WDR55: variants seen among roughly 807,000 people sequenced by gnomAD.
The protein encoded by WDR55 is WD repeat-containing protein 55.
WDR55 carries 31 observed loss-of-function variants against 34.0 expected under a neutral mutation model. That is an observed-to-expected ratio of 0.91 (90% CI 0.69 to 1.23). The LOEUF is 1.23. WDR55 is among the 50% of genes most tolerant of loss of function. The probability of loss-of-function intolerance (pLI) is 0.00; values close to 1 mark genes in which losing one functional copy is unlikely to be tolerated. For synonymous variants in WDR55, 164 were observed against 185.9 expected (o/e 0.88, Z 0.96); for missense variants, 440 against 494.6 (o/e 0.89, Z 1.05).
At chr5:140,666,704 T>C (rs1288266200) in intron 1 of WDR55, 2 of 985,210 alleles carry the variant, frequency 2.0e-6, no homozygotes, top group East Asian at 1.1e-4. Context: ...ACATTATATA[T>C]GATGCTCTGT....
chr5:140,665,033 G>C lies in WDR55; in HGVS notation c.121G>C (p.Ala41Pro). The C allele has an allele frequency of 6.2e-7, 1 of 1,613,918 alleles. No individual in the cohort carries two copies. The highest frequency in any genetic ancestry group is 1.6e-4 in the Middle Eastern group (1 of 6,062). Residue 41 changes from alanine (A) to proline (P), a missense_variant, in exon 1 of 7, where the codon GCT becomes CCT. Ala to Pro is a conservative substitution (Grantham distance 27). Coordinates refer to ENST00000358337, the MANE Select transcript of WDR55 (RefSeq NM_017706.5). ...TPEDIVLEAP[A>P]SGLAFHPARD... ...GGAAGACATCGTGCTGGAAGCTCCG[G>C]CTAGTGGGCTGGCGTTCCATCCGGC...
At position 140,668,984 on chromosome 5, in the gene WDR55, C is replaced by T. The variant is rs755740110; in HGVS notation, c.654C>T (p.Leu218=). 3 of 1,614,242 alleles carry T rather than the reference C, an allele frequency of 1.9e-6. No homozygotes were observed. Among genetic ancestry groups the T allele is most frequent in the Non-Finnish European group, 1.7e-6 (2 of 1,180,048 alleles). The change falls in exon 5 of 7, where the codon CTC becomes CTT. Residue 218 remains leucine, a synonymous_variant. Transcript: ENST00000358337. ...CTGGGGACCTGACCTCTGTCACTCTCATGAAAGTACAGCTGGTTATGGTGG... is the reference window on the plus strand; with the variant it reads ...CTGGGGACCTGACCTCTGTCACTCTTATGAAAGTACAGCTGGTTATGGTGG... ...PQSGDLTSVT[L]MKWGKKVACG...
chr5:140,669,717 T>C lies in WDR55; in HGVS notation c.*63T>C. 6.8e-7 allele frequency: 1 copy of C among 1,460,464 alleles called. No homozygotes were observed. The highest frequency in any genetic ancestry group is 1.3e-5 in the South Asian group (1 of 77,976). The allele number at this position is 1,460,464 out of a possible 1,614,324, so 90.5% of individuals were successfully genotyped here. A position where few individuals can be genotyped will look rare whatever the true frequency, so the allele number is the denominator to read the frequency against. On this transcript the variant is annotated 3_prime_UTR_variant, in exon 7 of 7. Coordinates refer to ENST00000358337, the MANE Select transcript of WDR55 (RefSeq NM_017706.5). Reference sequence around the variant, plus strand: ...CAAGAGTCTTGCTTATTGGGCTGCATCCCCAGAGAGGATATGAATTATTTT... The same window carrying C: ...CAAGAGTCTTGCTTATTGGGCTGCACCCCCAGAGAGGATATGAATTATTTT...
At position 140,671,053 on chromosome 5, in the gene WDR55, C is replaced by G. The variant is rs190826909; in HGVS notation, c.*1399C>G. 1.9e-4 allele frequency: 115 copies of G among 597,370 alleles called. No individual in the cohort carries two copies. The highest frequency in any genetic ancestry group is 1.5e-3 in the African/African-American group (81 of 53,920). The allele number at this position is 597,370 out of a possible 1,614,324, so 37.0% of individuals were successfully genotyped here. On this transcript the variant is annotated 3_prime_UTR_variant, in exon 7 of 7. Transcript: ENST00000358337. The stretch of plus-strand genomic sequence containing the variant: ...GACAAGGAACGGCCATGGAAGATCA[C>G]TGGGTCAGGTTGGACCCTGGGCTGG...
rs1448658266 is a variant in WDR55, at chr5:140,671,157, C to G, written c.*1503C>G. ...CAGGTGCCATAGGTCCCTGTCCCAG[C>G]AGGGAGGCTGATGGGCCTGGGCCCA... On this transcript the variant is annotated 3_prime_UTR_variant, in exon 7 of 7. Transcript: ENST00000358337. 3.5e-6 allele frequency: 4 copies of G among 1,136,600 alleles called. No homozygotes were observed. The East Asian group carries it at 7.4e-5, about 21-fold the overall frequency. The allele number at this position is 1,136,600 out of a possible 1,614,324, so 70.4% of individuals were successfully genotyped here. A position where few individuals can be genotyped will look rare whatever the true frequency, so the allele number is the denominator to read the frequency against.
chr5:140,671,218 AC>A lies in WDR55; in HGVS notation c.*1567del. 6.3e-7 allele frequency: 1 copy of A among 1,594,096 alleles called. No individual in the cohort carries two copies. The highest frequency in any genetic ancestry group is 1.3e-5 in the African/African-American group (1 of 74,646). The stretch of plus-strand genomic sequence containing the variant: ...CACCTTTGGGGGTCAGAAAGTGGCC[AC>A]CCAGGCCTGCTGGGATGGGGCCTGA... On this transcript the variant is annotated 3_prime_UTR_variant, in exon 7 of 7. Coordinates refer to ENST00000358337, the MANE Select transcript of WDR55 (RefSeq NM_017706.5).
Position 140,669,596 on chromosome 5 carries a change from AG to A in WDR55, c.1097del (p.Gly366GlufsTer23). 5 of 1,614,136 alleles carry A rather than the reference AG, an allele frequency of 3.1e-6. No individual in the cohort carries two copies. The highest frequency in any genetic ancestry group is 4.2e-6 in the Non-Finnish European group (5 of 1,179,986). On this transcript the variant is annotated frameshift_variant, in exon 7 of 7. Transcript: ENST00000358337. LOFTEE classifies it high-confidence loss of function. ...TDDFFAGLREEGEDSMAQEEK... is the reference protein window; with the variant it reads ...TDDFFAGLREXGEDSMAQEEK... ...GACTTCTTCGCAGGACTGAGGGAAG[AG>A]GGAGAAGACTCCATGGCTCAGGAAG...
At position 140,669,901 on chromosome 5, in the gene WDR55, G is replaced by GT. The variant is rs34069692; in HGVS notation, c.*259dup. On this transcript the variant is annotated 3_prime_UTR_variant, in exon 7 of 7. Transcript: ENST00000358337. ...GCACTACCACACCAGGCCAATTTTT[G>GT]TTTTTTTTTTTTGGTAGAAACGGGT... The GT allele has an allele frequency of 0.13, 39,271 of 306,938 alleles. 210 individuals carry two copies. The highest frequency in any genetic ancestry group is 0.16 in the East Asian group (2,613 of 16,354). The allele number at this position is 306,938 out of a possible 1,614,324, so 19.0% of individuals were successfully genotyped here. A position where few individuals can be genotyped will look rare whatever the true frequency, so the allele number is the denominator to read the frequency against.
Position 140,671,488 on chromosome 5 carries a change from C to T in WDR55, c.*1834C>T, listed in dbSNP as rs1416886356. On this transcript the variant is annotated 3_prime_UTR_variant, in exon 7 of 7. Coordinates refer to ENST00000358337, the MANE Select transcript of WDR55 (RefSeq NM_017706.5). Reference sequence around the variant, plus strand: ...GATGCCCAGGAATCACCACCTGGTACCAGAAGCGGTGCCAGCCAGCAGGTC... The same window carrying T: ...GATGCCCAGGAATCACCACCTGGTATCAGAAGCGGTGCCAGCCAGCAGGTC... 1 of 1,600,218 alleles carries T rather than the reference C, an allele frequency of 6.2e-7. No homozygotes were observed. Among genetic ancestry groups the T allele is most frequent in the African/African-American group, 1.3e-5 (1 of 74,448 alleles).
chr5:140,671,292 G>C lies in WDR55; in HGVS notation c.*1638G>C. On this transcript the variant is annotated 3_prime_UTR_variant, in exon 7 of 7. Transcript: ENST00000358337. ...AGGGTGCCTGTGGAGAAAGAATGGA[G>C]TCACTGTTTAACCATGGTACCTGCC... is the stretch of plus-strand genomic sequence containing the variant. 2 of 1,612,860 alleles carry C rather than the reference G, an allele frequency of 1.2e-6. No individual in the cohort carries two copies. The highest frequency in any genetic ancestry group is 1.7e-6 in the Non-Finnish European group (2 of 1,180,002).
rs1758038142 is a variant in WDR55, at chr5:140,670,172, C to A, written c.*518C>A. On this transcript the variant is annotated 3_prime_UTR_variant, in exon 7 of 7. Transcript: ENST00000358337. Reference sequence around the variant, plus strand: ...TGCCTGGTAGCTGAGACTTAACAGGCATCTGCCACCATGCTTGACTAATTT... The same window carrying A: ...TGCCTGGTAGCTGAGACTTAACAGGAATCTGCCACCATGCTTGACTAATTT... 2 of 153,722 alleles carry A rather than the reference C, an allele frequency of 1.3e-5. No homozygotes were observed. Among genetic ancestry groups the A allele is most frequent in the Admixed American group, 6.4e-5 (1 of 15,510 alleles). 9.5% of individuals were successfully genotyped at this position (153,722 alleles called of 1,614,324 possible). A position where few individuals can be genotyped will look rare whatever the true frequency, so the allele number is the denominator to read the frequency against.
intron 1 of WDR55, chr5:140,667,046 G>T (rs1757941648): frequency 1.0e-6 from 1 of 985,258 alleles, no homozygotes; most frequent in African/African-American, 1.7e-5. Flanking sequence ...TTTGAAAGGG[G>T]GAATTATACC....
chr5:140,671,135 G>A lies in WDR55; in HGVS notation c.*1481G>A. ...TAACCCAAACCTAAGCTGCCCCCAG[G>A]TGCCATAGGTCCCTGTCCCAGCAGG... is the stretch of plus-strand genomic sequence containing the variant. On this transcript the variant is annotated 3_prime_UTR_variant, in exon 7 of 7. Coordinates refer to ENST00000358337, the MANE Select transcript of WDR55 (RefSeq NM_017706.5). 1 of 908,540 alleles carries A rather than the reference G, an allele frequency of 1.1e-6. No individual in the cohort carries two copies. Among genetic ancestry groups the A allele is most frequent in the Admixed American group, 2.3e-5 (1 of 43,414 alleles). 56.3% of individuals were successfully genotyped at this position (908,540 alleles called of 1,614,324 possible). A position where few individuals can be genotyped will look rare whatever the true frequency, so the allele number is the denominator to read the frequency against.
In WDR55 at chr5:140,671,127, GC is replaced by G. The variant is rs967278387; in HGVS notation, c.*1478del. On this transcript the variant is annotated 3_prime_UTR_variant, in exon 7 of 7. Transcript: ENST00000358337. The stretch of plus-strand genomic sequence containing the variant: ...CCACAACTTAACCCAAACCTAAGCT[GC>G]CCCCAGGTGCCATAGGTCCCTGTCC... 46 of 849,706 alleles carry G rather than the reference GC, an allele frequency of 5.4e-5. No individual in the cohort carries two copies. In the African/African-American group the frequency reaches 6.8e-4, roughly 13 times the overall value. 52.6% of individuals were successfully genotyped at this position (849,706 alleles called of 1,614,324 possible).
In WDR55 at chr5:140,672,227, GAATT is replaced by G; in HGVS notation, c.*2576_*2579del. ...CGGTGTGGGGGTGGGGGAAGGTTGA[GAATT>G]AAGTCAGGAGGTAATGCTCGGGAAG... On this transcript the variant is annotated 3_prime_UTR_variant, in exon 7 of 7. Transcript: ENST00000358337. 1.7e-6 allele frequency: 1 copy of G among 603,612 alleles called. No individual in the cohort carries two copies. The highest frequency in any genetic ancestry group is 2.9e-6 in the Non-Finnish European group (1 of 343,806). 37.4% of individuals were successfully genotyped at this position (603,612 alleles called of 1,614,324 possible). A position where few individuals can be genotyped will look rare whatever the true frequency, so the allele number is the denominator to read the frequency against.
intron 1 of WDR55, chr5:140,667,792 T>C (rs1403092382): frequency 6.4e-6 from 1 of 157,042 alleles, no homozygotes; most frequent in African/African-American, 2.4e-5. Context: ...GCACGTACTC[T>C]CAATGTACTG....
chr5:140,672,217 G>A lies in WDR55; in HGVS notation c.*2563G>A. 1.7e-6 allele frequency: 1 copy of A among 592,886 alleles called. No homozygotes were observed. The highest frequency in any genetic ancestry group is 3.0e-6 in the Non-Finnish European group (1 of 335,524). The allele number at this position is 592,886 out of a possible 1,614,324, so 36.7% of individuals were successfully genotyped here. On this transcript the variant is annotated 3_prime_UTR_variant, in exon 7 of 7. Transcript: ENST00000358337. ...GCCTATTTTGCGGTGTGGGGGTGGG[G>A]GAAGGTTGAGAATTAAGTCAGGAGG...
Position 140,671,653 on chromosome 5 carries a change from C to G in WDR55, c.*1999C>G, listed in dbSNP as rs758305425. The stretch of plus-strand genomic sequence containing the variant: ...ACTGGCTGCCCTCTGGCTGTGGGGA[C>G]CGCAAGAAGGGACCCACAAGCTGCT... On this transcript the variant is annotated 3_prime_UTR_variant, in exon 7 of 7. Transcript: ENST00000358337. 1.0e-5 allele frequency: 16 copies of G among 1,581,048 alleles called. No homozygotes were observed. In the East Asian group the frequency reaches 3.4e-4, roughly 34 times the overall value.
In WDR55 at chr5:140,668,437, C is replaced by G; in HGVS notation, c.315C>G (p.Asp105Glu). The change falls in exon 3 of 7, where the codon GAC (aspartate) becomes GAG (glutamate). Residue 105 changes from aspartate (D) to glutamate (E), a missense_variant. By Grantham distance (45) the Asp-to-Glu change is conservative (BLOSUM62 2). Transcript: ENST00000358337. ...DGQKLITVSK[D>E]KAIHVLDVEQ... ...CAGAGCTCATTACTGTCTCCAAGGA[C>G]AAAGCCATCCATGTTCTAGATGTGG... is the stretch of plus-strand genomic sequence containing the variant. 1.2e-6 allele frequency: 2 copies of G among 1,614,218 alleles called. No homozygotes were observed. The highest frequency in any genetic ancestry group is 1.7e-6 in the Non-Finnish European group (2 of 1,180,046).
Sources: gnomAD v4.1 joint callset for allele counts on GRCh38, gnomAD v4.1.1 for gene constraint, MANE v1.5 for transcripts, NCBI Gene and HGNC (gene_info 2026-07-23, HGNC 2026-07-21) for gene names.